Variants in RPS6KC1 observed in about 807,000 individuals in gnomAD.
The protein encoded by RPS6KC1 is ribosomal protein S6 kinase C1.
RPS6KC1 carries 54 observed loss-of-function variants against 103.8 expected under a neutral mutation model. The observed-to-expected ratio is 0.52, with a 90% CI of 0.42 to 0.65. The LOEUF is 0.65. Ranked by LOEUF, RPS6KC1 falls within the 30% of genes least tolerant of loss-of-function variation. RPS6KC1 has a pLI of 0.00. For missense variants in RPS6KC1, 1,151 were observed against 1,253.8 expected (o/e 0.92, Z 1.24); for synonymous variants, 439 against 438.7 (o/e 1.00, Z -0.01).
chr1:213,335,677 A>T, the RPS6KC1 span, among the ~76,000 whole-genome samples: 1 of 152,214 alleles, frequency 6.6e-6, no homozygotes, highest in Non-Finnish European at 1.5e-5. Flanking sequence ...ACCAAGATAC[A>T]AGGGAGATGG....
chr1:213,624,013 A>C, the RPS6KC1 span, among the ~76,000 whole-genome samples: 1 of 152,216 alleles, frequency 6.6e-6, no homozygotes, highest in Non-Finnish European at 1.5e-5. Flanking sequence ...GTGGAGGGGC[A>C]ACAGAATTGA....
chr1:213,681,212 C>T, the RPS6KC1 span, among the ~76,000 whole-genome samples: 2 of 152,190 alleles, frequency 1.3e-5, no homozygotes, highest in African/African-American at 4.8e-5. Context: ...CACCGCCAAC[C>T]ATGTCTTGAA....
At chr1:213,370,382 A>G in the RPS6KC1 span, among the ~76,000 whole-genome samples, 1 of 151,988 alleles carries the variant, frequency 6.6e-6, no homozygotes, top group Admixed American at 6.6e-5. Context: ...CTGGCACATA[A>G]TTAGTGCTCA....
At chr1:213,724,986 C>T in the RPS6KC1 span, among the ~76,000 whole-genome samples, 33,380 of 152,088 alleles carry the variant, frequency 0.22, 3,919 homozygotes, top group South Asian at 0.28. Flanking sequence ...CTTGGCACCA[C>T]GCTGAGCTGT....
the RPS6KC1 span, among the ~76,000 whole-genome samples, chr1:213,651,652 G>A: frequency 6.6e-6 from 1 of 152,142 alleles, no homozygotes; most frequent in Non-Finnish European, 1.5e-5. Flanking sequence ...TTCACATTTG[G>A]ACAGCTGGTA....
chr1:213,366,184 C>T, the RPS6KC1 span, among the ~76,000 whole-genome samples: 382 of 152,328 alleles, frequency 2.5e-3, 2 homozygotes, highest in African/African-American at 8.9e-3. Context: ...GGACTAGGGA[C>T]CAGATAACCT....
At chr1:213,685,246 A>G in the RPS6KC1 span, among the ~76,000 whole-genome samples, 10 of 152,308 alleles carry the variant, frequency 6.6e-5, no homozygotes, top group Admixed American at 2.0e-4. Flanking sequence ...TGAAATCAGA[A>G]CACTTATAAG....
intron 6 of RPS6KC1, 53 bp from the exon 7 acceptor site, chr1:213,167,805 C>T: frequency 9.1e-7 from 1 of 1,098,322 alleles, no homozygotes; most frequent in Non-Finnish European, 1.3e-6. Context: ...AGTTAATTTT[C>T]AGGTTGAACT....
At chr1:213,616,837 C>G in the RPS6KC1 span, among the ~76,000 whole-genome samples, 1 of 152,036 alleles carries the variant, frequency 6.6e-6, no homozygotes, top group Admixed American at 6.6e-5. Flanking sequence ...ATTGAGAGCC[C>G]CTGACCCAGA....
the RPS6KC1 span, among the ~76,000 whole-genome samples, chr1:213,716,838 G>A: frequency 1.3e-5 from 2 of 152,110 alleles, no homozygotes; most frequent in Admixed American, 6.5e-5. Flanking sequence ...TTAAACGTCT[G>A]GCTAATATTT....
chr1:213,233,203 A>G (rs2094144567), intron 10 of RPS6KC1, among the ~76,000 whole-genome samples: 1 of 152,208 alleles, frequency 6.6e-6, no homozygotes, highest in Admixed American at 6.5e-5. Flanking sequence ...AGATAACTAC[A>G]GATGGAGGGA....
chr1:213,561,736 C>A, the RPS6KC1 span, among the ~76,000 whole-genome samples: 1 of 152,184 alleles, frequency 6.6e-6, no homozygotes, highest in Non-Finnish European at 1.5e-5. Flanking sequence ...TAATACATAA[C>A]CCAGCCCCAC....
the RPS6KC1 span, among the ~76,000 whole-genome samples, chr1:213,379,778 C>A: frequency 6.6e-6 from 1 of 152,076 alleles, no homozygotes; most frequent in African/African-American, 2.4e-5. Flanking sequence ...ACAGTGAGGT[C>A]CCGTCTCACA....
intron 8 of RPS6KC1, among the ~76,000 whole-genome samples, chr1:213,214,603 T>C (rs2817982): frequency 0.032 from 4,823 of 151,994 alleles, 270 homozygotes; most frequent in African/African-American, 0.11. Flanking sequence ...GACCCCCGAG[T>C]AGCCTAACTG....
At chr1:213,725,588 T>A in the RPS6KC1 span, among the ~76,000 whole-genome samples, 1 of 152,224 alleles carries the variant, frequency 6.6e-6, no homozygotes, top group East Asian at 1.9e-4. Context: ...AGCCCTTTAC[T>A]CGTTGGTTTC....
intron 6 of RPS6KC1, among the ~76,000 whole-genome samples, chr1:213,135,103 T>G (rs2086126196): frequency 6.6e-6 from 1 of 152,212 alleles, no homozygotes; most frequent in Admixed American, 6.5e-5. Flanking sequence ...TTCTATTCTA[T>G]TCCTAGTTTT....
chr1:213,309,032 C>T, the RPS6KC1 span, among the ~76,000 whole-genome samples: 1 of 152,156 alleles, frequency 6.6e-6, no homozygotes, highest in Non-Finnish European at 1.5e-5. Context: ...TGGCTCACGT[C>T]TGTAATCCCA....
intron 3 of RPS6KC1, among the ~76,000 whole-genome samples, chr1:213,103,138 T>A (rs1441674399): frequency 6.6e-6 from 1 of 151,074 alleles, no homozygotes; most frequent in Non-Finnish European, 1.5e-5. Context: ...AGGTTGAGGC[T>A]GCAGTGAGGT....
At chr1:213,364,212 A>G in the RPS6KC1 span, among the ~76,000 whole-genome samples, 2 of 152,164 alleles carry the variant, frequency 1.3e-5, no homozygotes, top group Admixed American at 6.5e-5. Context: ...AGTGGCCTGG[A>G]TTTGGACGAT....
Sources: allele counts gnomAD v4.1 joint callset (sites outside exome capture counted in the v4.1 genomes callset), GRCh38; gene constraint gnomAD v4.1.1; transcripts MANE v1.5; gene names NCBI Gene and HGNC (gene_info 2026-07-23, HGNC 2026-07-21).